Variants in WNT3 observed in about 807,000 individuals in gnomAD.
The protein encoded by WNT3 is proto-oncogene Wnt-3.
WNT3 carries 7 observed loss-of-function variants against 34.2 expected under a neutral mutation model. The ratio of observed to expected loss-of-function variants is 0.20; its 90% CI spans 0.12 to 0.38. The LOEUF is 0.38. WNT3 is among the 10% of genes least tolerant of loss of function. The pLI, the probability that WNT3 is intolerant of heterozygous loss-of-function variation, is 1.00. For missense variants in WNT3, 267 were observed against 499.8 expected (o/e 0.53, Z 4.44); for synonymous variants, 212 against 211.5 (o/e 1.00, Z -0.02).
chr17:46,788,588 C>T (rs1484499298), intron 1 of WNT3, among the ~76,000 whole-genome samples: 1 of 152,216 alleles, frequency 6.6e-6, no homozygotes, highest in African/African-American at 2.4e-5. Context: ...GGCCATTTCC[C>T]CAGCTCTTAT....
chr17:46,795,234 G>A (rs753978749), intron 1 of WNT3, among the ~76,000 whole-genome samples: 62 of 152,164 alleles, frequency 4.1e-4, no homozygotes, highest in Middle Eastern at 6.8e-3. Flanking sequence ...ATGTGCATCC[G>A]AAACCTCCTA....
intron 1 of WNT3, among the ~76,000 whole-genome samples, chr17:46,812,312 C>T (rs1039531095): frequency 2.0e-5 from 3 of 152,108 alleles, no homozygotes; most frequent in Admixed American, 6.5e-5. Flanking sequence ...CCTGCTGCCT[C>T]CCCACACATA....
intron 1 of WNT3, among the ~76,000 whole-genome samples, chr17:46,789,690 AGCTGGAGTACTAAACCATG>A (rs1379744811): frequency 6.6e-6 from 1 of 152,234 alleles, no homozygotes; most frequent in African/African-American, 2.4e-5. Context: ...GGGCCTTGCC[AGCTGGAGTACTAAACCATG>A]GCTGGGCACT....
chr17:46,783,831 G>T (rs1281700463), intron 1 of WNT3, among the ~76,000 whole-genome samples: 4 of 152,258 alleles, frequency 2.6e-5, no homozygotes, highest in Non-Finnish European at 5.9e-5. Flanking sequence ...CAGAGAAGCA[G>T]AGGAGGGGAA....
At chr17:46,807,751 C>T (rs572557841) in intron 1 of WNT3, among the ~76,000 whole-genome samples, 2 of 152,282 alleles carry the variant, frequency 1.3e-5, no homozygotes, top group East Asian at 3.9e-4. Flanking sequence ...TGACGGAAAA[C>T]ACATCAGATT....
chr17:46,770,879 C>T (rs1408823395), intron 2 of WNT3, among the ~76,000 whole-genome samples: 1 of 152,232 alleles, frequency 6.6e-6, no homozygotes, highest in Non-Finnish European at 1.5e-5. Flanking sequence ...TGGACATTGA[C>T]GATTAGGGAG....
Position 46,769,969 on chromosome 17 carries a change from GC to G in WNT3, c.401del (p.Gly134AlafsTer34). ...AFAVTRSCAE[G>X]TSTICGCDSH... Reference sequence around the variant, plus strand: ...AGTCACAGCCGCAAATGGTGGAGGTGCCCTCGGCGCAGGAGCGGGTGACGGC... The same window carrying G: ...AGTCACAGCCGCAAATGGTGGAGGTGCCTCGGCGCAGGAGCGGGTGACGGC... On this transcript the variant is annotated frameshift_variant, in exon 3 of 5. Coordinates refer to ENST00000225512, the MANE Select transcript of WNT3 (RefSeq NM_030753.5). LOFTEE classifies it high-confidence loss of function. 6.2e-7 allele frequency: 1 copy of G among 1,611,946 alleles called. No homozygotes were observed. The highest frequency in any genetic ancestry group is 8.5e-7 in the Non-Finnish European group (1 of 1,179,372).
chr17:46,777,473 G>A (rs1290602143), intron 1 of WNT3, among the ~76,000 whole-genome samples: 1 of 152,236 alleles, frequency 6.6e-6, no homozygotes, highest in African/African-American at 2.4e-5. Flanking sequence ...TGCCTGCATG[G>A]CTTGATTGGC....
At chr17:46,797,010 G>C (rs914238174) in intron 1 of WNT3, among the ~76,000 whole-genome samples, 1 of 152,124 alleles carries the variant, frequency 6.6e-6, no homozygotes, top group African/African-American at 2.4e-5. Flanking sequence ...TTTCCAAATG[G>C]GGGAAAATGG....
chr17:46,813,748 T>C (rs2084306124), intron 1 of WNT3, among the ~76,000 whole-genome samples: 1 of 152,200 alleles, frequency 6.6e-6, no homozygotes. Context: ...CCTGGCTCCT[T>C]GTCTCCTGCC....
chr17:46,784,464 G>A (rs1231469897), intron 1 of WNT3, among the ~76,000 whole-genome samples: 2 of 152,070 alleles, frequency 1.3e-5, no homozygotes, highest in African/African-American at 4.8e-5. Flanking sequence ...GTGGGCACAC[G>A]GTGGGAGGAC....
intron 1 of WNT3, among the ~76,000 whole-genome samples, chr17:46,774,409 G>A (rs530506887): frequency 2.0e-5 from 3 of 152,318 alleles, no homozygotes; most frequent in South Asian, 2.1e-4. Flanking sequence ...TCTTCCCTGC[G>A]ATGGTGCCAG....
At chr17:46,788,461 G>T (rs2146416995) in intron 1 of WNT3, among the ~76,000 whole-genome samples, 1 of 152,284 alleles carries the variant, frequency 6.6e-6, no homozygotes, top group Middle Eastern at 3.4e-3. Context: ...TCTGGTAAAA[G>T]ACAAGACATA....
At position 46,777,524 on chromosome 17, in the gene WNT3, G is replaced by A. The variant is rs35196985; in HGVS notation, c.81-3615C>T. On this transcript the variant is annotated intron_variant, in intron 1 of 4. Coordinates refer to ENST00000225512, the MANE Select transcript of WNT3 (RefSeq NM_030753.5). ...GCTTCCCAGACATCTCCAGGAAGAAGGTGCCACTGAGCCCTTCCTGCTGTG... is the reference window on the plus strand; with the variant it reads ...GCTTCCCAGACATCTCCAGGAAGAAAGTGCCACTGAGCCCTTCCTGCTGTG... Among the ~76,000 whole-genome samples, 846 of 152,382 alleles carry A rather than the reference G, an allele frequency of 5.6e-3. 7 individuals are homozygous for A. The highest frequency in any genetic ancestry group is 9.3e-3 in the Non-Finnish European group (635 of 68,034).
intron 1 of WNT3, among the ~76,000 whole-genome samples, chr17:46,804,003 G>A (rs1485563092): frequency 6.6e-6 from 1 of 152,002 alleles, no homozygotes; most frequent in Non-Finnish European, 1.5e-5. Context: ...GGAAACTCAG[G>A]GCAAGCTCCA....
At position 46,768,639 on chromosome 17, in the gene WNT3, C is replaced by T; in HGVS notation, c.749G>A (p.Arg250His). Residue 250 changes from arginine to histidine, a missense_variant, in exon 4 of 5, where the codon CGT (arginine) becomes CAT (histidine). Transcript: ENST00000225512. The surrounding 1 kb of genome is among the most constrained non-coding windows in gnomAD (Gnocchi z 5.0). Reference protein sequence around the residue: ...SASEMVVEKHRESRGWVETLR... With the variant: ...SASEMVVEKHHESRGWVETLR... ...GGTCTCCACCCAGCCTCGGGACTCA[C>T]GGTGCTTCTCTACTACCATCTCCGA... 6.2e-7 allele frequency: 1 copy of T among 1,614,160 alleles called. No individual in the cohort carries two copies. The highest frequency in any genetic ancestry group is 8.5e-7 in the Non-Finnish European group (1 of 1,180,044).
At chr17:46,791,006 T>C (rs935713721) in intron 1 of WNT3, among the ~76,000 whole-genome samples, 1 of 152,232 alleles carries the variant, frequency 6.6e-6, no homozygotes, top group African/African-American at 2.4e-5. Flanking sequence ...TTTTCCCTTC[T>C]TCCTGGTTTC....
At chr17:46,809,068 A>G (rs930381656) in intron 1 of WNT3, among the ~76,000 whole-genome samples, 6 of 152,210 alleles carry the variant, frequency 3.9e-5, no homozygotes, top group South Asian at 2.1e-4. Context: ...AAGTATTTCA[A>G]TGAACAAGCA....
chr17:46,763,448 G>A lies in WNT3; in HGVS notation c.*1182C>T, dbSNP rs551069972. On this transcript the variant is annotated 3_prime_UTR_variant, in exon 5 of 5. Transcript: ENST00000225512. Reference sequence around the variant, plus strand: ...GGATGGAAGCTATCTCAGCATGCAGGTGAGGGAGGAAGAGCTGGGGGAAAG... The same window carrying A: ...GGATGGAAGCTATCTCAGCATGCAGATGAGGGAGGAAGAGCTGGGGGAAAG... 6.6e-6 allele frequency: 1 copy of A among 152,408 alleles called. No homozygotes were observed. The highest frequency in any genetic ancestry group is 6.5e-5 in the Admixed American group (1 of 15,298). The allele number at this position is 152,408 out of a possible 1,614,324, so 9.4% of individuals were successfully genotyped here.
Sources: gnomAD v4.1 joint callset for allele counts (sites outside exome capture counted in the v4.1 genomes callset) on GRCh38, gnomAD v4.1.1 for gene constraint, Gnocchi (gnomAD v3.1) non-coding constraint, MANE v1.5 for transcripts, NCBI Gene and HGNC (gene_info 2026-07-23, HGNC 2026-07-21) for gene names.